ADAD1: variants seen among roughly 807,000 people sequenced by gnomAD.
ADAD1 encodes adenosine deaminase domain containing 1.
ADAD1 carries 46 observed loss-of-function variants against 66.8 expected under a neutral mutation model. The ratio of observed to expected loss-of-function variants is 0.69; its 90% confidence interval spans 0.54 to 0.88. ADAD1 has a LOEUF of 0.88. ADAD1 is among the 40% of genes least tolerant of loss of function. The probability of loss-of-function intolerance (pLI) is 0.00; values close to 1 mark genes in which losing one functional copy is unlikely to be tolerated. For missense variants in ADAD1, 617 were observed against 681.8 expected, an observed-to-expected ratio of 0.91 and a Z score of 1.06; for synonymous variants, 248 against 229.4, an observed-to-expected ratio of 1.08 and a Z score of -0.73.
chr4:122,419,171 A>AT lies in ADAD1; in HGVS notation c.1488-2089dup, dbSNP rs567303400. Among the ~76,000 whole-genome samples, 47 of 152,350 alleles carry AT rather than the reference A, an allele frequency of 3.1e-4. No homozygotes were observed. The Middle Eastern group carries it at 0.01, about 33-fold the overall frequency. On this transcript the variant is annotated intron_variant, in intron 11 of 12. Transcript: ENST00000296513. ...GGACTGGATAAAGAAAATGTGGTAC[A>AT]TATACATCATGGAATACTATGCAGA...
chr4:122,403,330 C>A (rs1334457027), intron 7 of ADAD1, among the ~76,000 whole-genome samples: 1 of 152,156 alleles, frequency 6.6e-6, no homozygotes, highest in Non-Finnish European at 1.5e-5. Context: ...GCAAAGAGTC[C>A]TGTGATGTGA....
chr4:122,399,740 CT>C (rs145100591), intron 7 of ADAD1, among the ~76,000 whole-genome samples: 31,878 of 110,464 alleles, frequency 0.29, 4,187 homozygotes, highest in Middle Eastern at 0.51. Context: ...ATTTTCTTTT[CT>C]TTTTTTTTTT....
intron 11 of ADAD1, 30 bp downstream of exon 11, chr4:122,415,646 TA>T: frequency 6.4e-7 from 1 of 1,568,722 alleles, no homozygotes; most frequent in Non-Finnish European, 8.7e-7. Context: ...TTAAACCATA[TA>T]TTACTTAAGC....
chr4:122,412,927 A>G, intron 10 of ADAD1, 118 bp downstream of exon 10: 1 of 784,756 alleles, frequency 1.3e-6, no homozygotes, highest in Non-Finnish European at 2.0e-6. Flanking sequence ...ATTTAAGGTC[A>G]AAACACAGAT....
rs201675964 is a variant in ADAD1, at chr4:122,381,064, T to A, written c.245T>A (p.Ile82Lys). The A allele has an allele frequency of 6.9e-6, 11 of 1,602,766 alleles. No homozygotes were observed. Among genetic ancestry groups the A allele is most frequent in the Admixed American group, 1.8e-5 (1 of 56,316 alleles). The change falls in exon 4 of 13, where the codon ATA (isoleucine) becomes AAA (lysine). Residue 82 changes from isoleucine (I) to lysine (K), a missense_variant. Coordinates refer to ENST00000296513, the MANE Select transcript of ADAD1 (RefSeq NM_139243.4). ...ISNPVLPPKK[I>K]PKEFIMKYKR... is the part of the protein sequence containing the mutation. Reference sequence around the variant, plus strand: ...AATCCTGTCCTTCCTCCAAAAAAAATACCTAAGGAATTTATAATGAAATAC... The same window carrying A: ...AATCCTGTCCTTCCTCCAAAAAAAAAACCTAAGGAATTTATAATGAAATAC...
intron 8 of ADAD1, 119 bp downstream of exon 8, chr4:122,408,150 A>G: frequency 8.4e-6 from 9 of 1,066,298 alleles, no homozygotes; most frequent in Non-Finnish European, 1.2e-5. Context: ...AGGATGTCAC[A>G]TTTTCTTATC....
At chr4:122,423,972 C>CT (rs748666467) in intron 12 of ADAD1, among the ~76,000 whole-genome samples, 35 of 151,996 alleles carry the variant, frequency 2.3e-4, no homozygotes, top group Non-Finnish European at 4.1e-4. Context: ...GAATTGTACA[C>CT]TTTAAAGGGT....
In ADAD1 at chr4:122,421,286, A is replaced by G. The variant is rs1226915725; in HGVS notation, c.1513A>G (p.Met505Val). 2 of 1,603,370 alleles carry G rather than the reference A, an allele frequency of 1.2e-6. No individual in the cohort carries two copies. Among genetic ancestry groups the G allele is most frequent in the Non-Finnish European group, 1.7e-6 (2 of 1,172,930 alleles). ...ESSPFKSGMS[M>V]ASRLCKAAML... ...TTCCCCATTTAAAAGTGGTATGTCA[A>G]TGGCAAGTCGGCTTTGTAAGGCTGC... The change falls in exon 12 of 13, where the codon ATG becomes GTG. Residue 505 changes from methionine to valine, a missense_variant. Coordinates refer to ENST00000296513, the MANE Select transcript of ADAD1 (RefSeq NM_139243.4).
rs1230889374 is a variant in ADAD1 at position 122,380,261 on chromosome 4, TAA to T, written c.172+21_172+22del. Reference sequence around the variant, plus strand: ...TAACGGGTACGACTTTTTTCATTTGTAACAATGAGTCAGTTCTTTAAGATTCT... The same window carrying T: ...TAACGGGTACGACTTTTTTCATTTGTCAATGAGTCAGTTCTTTAAGATTCT... On this transcript the variant is annotated intron_variant, in intron 3 of 12. Coordinates refer to ENST00000296513, the MANE Select transcript of ADAD1 (RefSeq NM_139243.4). 1.3e-6 allele frequency: 2 copies of T among 1,594,916 alleles called. No individual in the cohort carries two copies. The highest frequency in any genetic ancestry group is 1.7e-6 in the Non-Finnish European group (2 of 1,172,576).
rs144748361 is a variant in ADAD1 at position 122,406,558 on chromosome 4, A to G, written c.725-1350A>G. 2.3e-3 allele frequency among the ~76,000 whole-genome samples: 347 copies of G among 152,272 alleles called. 2 individuals are homozygous for G. The highest frequency in any genetic ancestry group is 8.0e-3 in the African/African-American group (332 of 41,550). On this transcript the variant is annotated intron_variant, in intron 7 of 12. Transcript: ENST00000296513. ...ATTTTGTTTGCTTTGTAGGAAGGAA[A>G]TGTAACCCAAGATGGTTTTTACTTC...
intron 7 of ADAD1, among the ~76,000 whole-genome samples, chr4:122,405,740 C>G (rs1020121535): frequency 1.3e-5 from 2 of 152,060 alleles, no homozygotes; most frequent in Non-Finnish European, 2.9e-5. Flanking sequence ...TCTCCATTTC[C>G]CCTTCTTTCT....
chr4:122,427,063 T>C (rs1156731259), intron 12 of ADAD1, among the ~76,000 whole-genome samples: 3 of 152,194 alleles, frequency 2.0e-5, no homozygotes, highest in Non-Finnish European at 4.4e-5. Flanking sequence ...CTAAATTGTA[T>C]CATCTTGTAG....
intron 5 of ADAD1, among the ~76,000 whole-genome samples, chr4:122,387,918 C>T (rs751602663): frequency 1.3e-5 from 2 of 151,928 alleles, no homozygotes; most frequent in Non-Finnish European, 2.9e-5. Flanking sequence ...TGCCACCACA[C>T]CCAGCTAATT....
intron 4 of ADAD1, among the ~76,000 whole-genome samples, chr4:122,382,270 A>G (rs1465787083): frequency 6.6e-6 from 1 of 152,204 alleles, no homozygotes; most frequent in Non-Finnish European, 1.5e-5. Flanking sequence ...TGTACATTTT[A>G]TGCTCAAAGT....
chr4:122,396,920 T>C (rs746104803), intron 7 of ADAD1, among the ~76,000 whole-genome samples: 2 of 152,120 alleles, frequency 1.3e-5, no homozygotes, highest in Non-Finnish European at 2.9e-5. Flanking sequence ...AATATACTAG[T>C]CGAAAGTCTA....
At chr4:122,424,071 G>A (rs551363527) in intron 12 of ADAD1, among the ~76,000 whole-genome samples, 7 of 152,302 alleles carry the variant, frequency 4.6e-5, no homozygotes, top group African/African-American at 1.7e-4. Flanking sequence ...GCAGGTTCAA[G>A]GTGCTGAAGG....
At chr4:122,412,910 A>T (rs961502558) in intron 10 of ADAD1, 101 bp downstream of exon 10, 28 of 962,250 alleles carry the variant, frequency 2.9e-5, no homozygotes, top group Non-Finnish European at 4.4e-5. Flanking sequence ...TGCATACGTG[A>T]AACTTTATTT....
chr4:122,387,594 T>C (rs996191052), intron 5 of ADAD1, among the ~76,000 whole-genome samples: 2 of 151,818 alleles, frequency 1.3e-5, no homozygotes, highest in Non-Finnish European at 2.9e-5. Flanking sequence ...GAGTTCAACA[T>C]ACAAAAGTAT....
chr4:122,402,247 A>G (rs550326980), intron 7 of ADAD1, among the ~76,000 whole-genome samples: 61 of 152,196 alleles, frequency 4.0e-4, no homozygotes, highest in African/African-American at 1.3e-3. Flanking sequence ...TCTTTCCTTC[A>G]TTCATGAAGC....
Sources: gnomAD v4.1 joint callset for allele counts (sites outside exome capture counted in the v4.1 genomes callset) on GRCh38, gnomAD v4.1.1 for gene constraint, MANE v1.5 for transcripts, NCBI Gene and HGNC (gene_info 2026-07-23, HGNC 2026-07-21) for gene names.